Variants in GRIP1 observed in about 807,000 individuals in gnomAD.
GRIP1 encodes glutamate receptor interacting protein 1.
In GRIP1, 45 loss-of-function variants were observed where a neutral mutation model predicts 129.9. The observed-to-expected ratio is 0.35, with a 90% CI of 0.27 to 0.44. GRIP1 has a LOEUF of 0.44. Among genes scored for constraint, GRIP1 ranks in the 20% least tolerant of loss-of-function variants. GRIP1 has a pLI of 1.00. For missense variants in GRIP1, 1,196 were observed against 1,396.8 expected (o/e 0.86, Z 2.29); for synonymous variants, 530 against 520.8 (o/e 1.02, Z -0.24).
chr12:66,923,092 T>C (rs2041239868), intron 1 of GRIP1, among the ~76,000 whole-genome samples: 1 of 152,198 alleles, frequency 6.6e-6, no homozygotes, highest in Non-Finnish European at 1.5e-5. Flanking sequence ...AAGATGCACC[T>C]CTATCTTAAA....
intron 11 of GRIP1, among the ~76,000 whole-genome samples, chr12:66,446,123 G>T (rs1235448770): frequency 3.2e-5 from 2 of 62,622 alleles, no homozygotes; most frequent in Non-Finnish European, 5.5e-5. Context: ...CCAGAGTTTG[G>T]TCTCTTCAGT....
chr12:67,005,591 A>G (rs1434300063), intron 1 of GRIP1, among the ~76,000 whole-genome samples: 1 of 152,218 alleles, frequency 6.6e-6, no homozygotes, highest in African/African-American at 2.4e-5. Context: ...GCCAGGATTC[A>G]AACACAGGCA....
chr12:66,688,925 T>C (rs1325664787), intron 1 of GRIP1, among the ~76,000 whole-genome samples: 1 of 152,202 alleles, frequency 6.6e-6, no homozygotes, highest in Admixed American at 6.5e-5. Flanking sequence ...CATTCTTCAC[T>C]GGGTCTCTTC....
At chr12:66,532,390 C>T (rs530048457) in intron 4 of GRIP1, among the ~76,000 whole-genome samples, 177 of 152,256 alleles carry the variant, frequency 1.2e-3, no homozygotes, top group African/African-American at 4.1e-3. Flanking sequence ...AAATTCTCCT[C>T]GGTCTTTCAA....
chr12:66,627,384 T>A (rs1322046745), intron 1 of GRIP1, among the ~76,000 whole-genome samples: 1 of 152,240 alleles, frequency 6.6e-6, no homozygotes, highest in Non-Finnish European at 1.5e-5. Flanking sequence ...ATCAGTTCAC[T>A]TTCTCATTCA....
At chr12:66,482,073 T>A (rs1231771783) in intron 7 of GRIP1, among the ~76,000 whole-genome samples, 1 of 152,180 alleles carries the variant, frequency 6.6e-6, no homozygotes, top group African/African-American at 2.4e-5. Context: ...GTTCTGCACA[T>A]GTATCCCAGA....
At chr12:66,742,159 G>A (rs1239975878) in intron 1 of GRIP1, among the ~76,000 whole-genome samples, 2 of 152,018 alleles carry the variant, frequency 1.3e-5, no homozygotes, top group Non-Finnish European at 2.9e-5. Flanking sequence ...GTTTAGTACT[G>A]AAAACTCCAT....
chr12:66,948,607 C>A (rs976118354), intron 1 of GRIP1, among the ~76,000 whole-genome samples: 1 of 151,990 alleles, frequency 6.6e-6, no homozygotes, highest in African/African-American at 2.4e-5. Context: ...TACTGTAAAG[C>A]AGGATGCAGG....
chr12:66,676,360 T>A (rs938200852), intron 1 of GRIP1, among the ~76,000 whole-genome samples: 3 of 152,166 alleles, frequency 2.0e-5, no homozygotes, highest in Non-Finnish European at 4.4e-5. Flanking sequence ...GAAATTGCAA[T>A]TGCCATATTG....
chr12:66,353,427 C>G lies in GRIP1; in HGVS notation c.3149G>C (p.Arg1050Thr). The part of the protein sequence containing the change: ...GDLGGLKPYD[R>T]LLQVNHVRTR... ...CACCTGAGGTCTTACCTGTAAGAGC[C>G]TGTCATAGGGCTTTAAGCCACCAAG... The change falls in exon 24 of 25, where the codon AGG (arginine) becomes ACG (threonine). Residue 1050 changes from arginine (R) to threonine (T), a missense_variant. Around this residue, in one of 5 missense-constraint regions of GRIP1, gnomAD observed 427 missense variants for 463.3 expected, o/e 0.92. Coordinates refer to ENST00000359742, the MANE Select transcript of GRIP1 (RefSeq NM_001366722.1). 6.2e-7 allele frequency: 1 copy of G among 1,611,464 alleles called. No homozygotes were observed. Among genetic ancestry groups the G allele is most frequent in the South Asian group, 1.1e-5 (1 of 91,042 alleles).
chr12:66,825,922 C>A (rs1592881354), intron 1 of GRIP1, among the ~76,000 whole-genome samples: 1 of 152,122 alleles, frequency 6.6e-6, no homozygotes, highest in African/African-American at 2.4e-5. Context: ...GATCTAGAAC[C>A]AGAAATACCA....
rs2039763140 is a variant in GRIP1 at position 66,843,734 on chromosome 12, G to C, written c.58+225316C>G. ...AAAAACTTTTTAACAAATAACATTG[G>C]GAAAACAATATCCACATGTAAAGGA... is the stretch of plus-strand genomic sequence containing the variant. On this transcript the variant is annotated intron_variant, in intron 1 of 1. Transcript: ENST00000643019. 3.3e-5 allele frequency among the ~76,000 whole-genome samples: 5 copies of C among 152,072 alleles called. No individual in the cohort carries two copies. The South Asian group carries it at 1.0e-3, about 32-fold the overall frequency.
At chr12:66,710,640 A>G (rs2035682708) in intron 1 of GRIP1, among the ~76,000 whole-genome samples, 1 of 151,988 alleles carries the variant, frequency 6.6e-6, no homozygotes, top group African/African-American at 2.4e-5. Flanking sequence ...CCTTAAATAC[A>G]AAGAAGAAAT....
At chr12:66,814,658 T>A (rs529057627) in intron 1 of GRIP1, among the ~76,000 whole-genome samples, 1 of 150,124 alleles carries the variant, frequency 6.7e-6, no homozygotes, top group Non-Finnish European at 1.5e-5. Context: ...AATGAGTTTA[T>A]AGAAAAATTA....
intron 1 of GRIP1, among the ~76,000 whole-genome samples, chr12:66,689,051 C>A (rs182234575): frequency 1.3e-5 from 2 of 152,206 alleles, no homozygotes; most frequent in Admixed American, 1.3e-4. Flanking sequence ...TACTAGAGGG[C>A]AGCAAAGGAT....
chr12:67,030,527 T>C (rs2043007529), intron 1 of GRIP1, among the ~76,000 whole-genome samples: 1 of 152,162 alleles, frequency 6.6e-6, no homozygotes, highest in South Asian at 2.1e-4. Flanking sequence ...GGAATTGTAC[T>C]TTTAAAGTAT....
chr12:67,016,126 T>TTAA (rs2042782541), intron 1 of GRIP1, among the ~76,000 whole-genome samples: 1 of 152,246 alleles, frequency 6.6e-6, no homozygotes, highest in African/African-American at 2.4e-5. Flanking sequence ...TAAGATGCAC[T>TTAA]GACACTGTTC....
chr12:66,685,699 T>C (rs187607014), intron 1 of GRIP1, among the ~76,000 whole-genome samples: 5 of 152,280 alleles, frequency 3.3e-5, no homozygotes, highest in East Asian at 1.9e-4. Context: ...GGGAAGAAAT[T>C]AGATTTCTAA....
intron 1 of GRIP1, among the ~76,000 whole-genome samples, chr12:66,931,799 A>G (rs1287349315): frequency 6.6e-6 from 1 of 152,162 alleles, no homozygotes; most frequent in Non-Finnish European, 1.5e-5. Flanking sequence ...CTATCCAAAA[A>G]TGTCTTTCTT....
Sources: allele counts gnomAD v4.1 joint callset (sites outside exome capture counted in the v4.1 genomes callset), GRCh38; gene constraint gnomAD v4.1.1; regional missense constraint gnomAD v4.1.1; transcripts MANE v1.5; gene names NCBI Gene and HGNC (gene_info 2026-07-23, HGNC 2026-07-21).